Variants in FNIP1 observed in about 807,000 individuals in gnomAD.
FNIP1 encodes folliculin interacting protein 1, also known as folliculin-interacting protein 1.
Under a neutral mutation model 124.5 loss-of-function variants are expected in FNIP1, and 40 were observed. The ratio of observed to expected loss-of-function variants is 0.32; its 90% CI spans 0.25 to 0.42. The LOEUF (loss-of-function observed/expected upper bound fraction) is 0.42. Ranked by LOEUF, FNIP1 falls within the 10% of genes least tolerant of loss-of-function variation. The pLI is 1.00. For synonymous variants in FNIP1, 472 were observed against 470.6 expected, an observed-to-expected ratio of 1.00 and a Z score of -0.04; for missense variants, 1,176 against 1,403.7, an observed-to-expected ratio of 0.84 and a Z score of 2.59.
intron 13 of FNIP1, among the ~76,000 whole-genome samples, chr5:131,675,301 T>C (rs902876734): frequency 4.6e-5 from 7 of 152,210 alleles, no homozygotes; most frequent in African/African-American, 2.4e-5. Flanking sequence ...TCTCTTATAG[T>C]TCCTCCTTGA....
chr5:131,779,023 C>A (rs1244125891), intron 1 of FNIP1, among the ~76,000 whole-genome samples: 2 of 123,990 alleles, frequency 1.6e-5, no homozygotes, highest in Non-Finnish European at 1.7e-5. Flanking sequence ...GGAGGGATAG[C>A]ATTGGGAGAT....
At position 131,789,351 on chromosome 5, in the gene FNIP1, C is replaced by CT. The variant is rs1772323479; in HGVS notation, c.92+7478_92+7479insA. The stretch of plus-strand genomic sequence containing the variant: ...GGGTATGACAAATTTTTAAAAATCC[C>CT]ATTTAAAAAACAAAACTTCTGAAAC... On this transcript the variant is annotated intron_variant, in intron 1 of 17. Coordinates refer to ENST00000510461, the MANE Select transcript of FNIP1 (RefSeq NM_133372.3). Among the ~76,000 whole-genome samples, 3 of 152,088 alleles carry CT rather than the reference C, an allele frequency of 2.0e-5. 1 individual carries two copies. In the South Asian group the frequency reaches 6.2e-4, roughly 32 times the overall value.
At chr5:131,652,631 G>A (rs1456289938) in intron 15 of FNIP1, among the ~76,000 whole-genome samples, 3 of 152,126 alleles carry the variant, frequency 2.0e-5, no homozygotes, top group Non-Finnish European at 4.4e-5. Context: ...GTGAGACACT[G>A]CACCTGGCCT....
In FNIP1 at chr5:131,651,999, G is replaced by A. The variant is rs1417823935; in HGVS notation, c.3109C>T (p.His1037Tyr). ...GCTATTGGTTCATCCAAAACTGGAT[G>A]CTGGAAATAAAAGAATAATTCATCT... The part of the protein sequence containing the change: ...LMSDLSHAVQ[H>Y]PVLDEPIAEA... The change falls in exon 16 of 18, where the codon CAT (histidine) becomes TAT (tyrosine). Residue 1037 changes from histidine (H) to tyrosine (Y), a missense_variant and splice_region_variant. Around this residue, in one of 2 missense-constraint regions of FNIP1, gnomAD observed 1,109 missense variants for 1,288.5 expected, o/e 0.86. Transcript: ENST00000510461. 1 of 1,609,172 alleles carries A rather than the reference G, an allele frequency of 6.2e-7. No homozygotes were observed. The highest frequency in any genetic ancestry group is 2.2e-5 in the East Asian group (1 of 44,764).
chr5:131,723,364 T>C (rs575137656), intron 3 of FNIP1, among the ~76,000 whole-genome samples: 16 of 152,318 alleles, frequency 1.1e-4, no homozygotes, highest in African/African-American at 3.4e-4. Flanking sequence ...TAGATTTTAC[T>C]ATTATACAAA....
At chr5:131,660,441 G>A (rs1767390889) in intron 15 of FNIP1, among the ~76,000 whole-genome samples, 2 of 152,036 alleles carry the variant, frequency 1.3e-5, no homozygotes, top group South Asian at 4.2e-4. Flanking sequence ...GCTCCACCTG[G>A]ACTGACAACC....
chr5:131,779,073 CCAG>C (rs1358261708), intron 1 of FNIP1, among the ~76,000 whole-genome samples: 1 of 138,888 alleles, frequency 7.2e-6, no homozygotes, highest in African/African-American at 2.7e-5. Flanking sequence ...GTGCAGCGCA[CCAG>C]CATGGCACAT....
chr5:131,679,110 G>A lies in FNIP1; in HGVS notation c.1268C>T (p.Ser423Leu), dbSNP rs756893842. ...IGEPVWLTMM[S>L]GTPEKNHLCY... ...AAGGTGGTTCTTTTCTGGAGTCCCC[G>A]ACATCATTGTAAGCCAGACAGGTTC... The change falls in exon 12 of 18, where the codon TCG (serine) becomes TTG (leucine). Residue 423 changes from serine (S) to leucine (L), a missense_variant. Ser to Leu is a moderately radical substitution (Grantham distance 145, BLOSUM62 -2). Transcript: ENST00000510461. 1.6e-5 allele frequency: 25 copies of A among 1,606,670 alleles called. No individual in the cohort carries two copies. Among genetic ancestry groups the A allele is most frequent in the South Asian group, 3.3e-5 (3 of 90,696 alleles).
intron 11 of FNIP1, 125 bp downstream of exon 11, chr5:131,698,792 G>A (rs1768790488): frequency 1.4e-6 from 1 of 707,626 alleles, no homozygotes; most frequent in East Asian, 2.9e-5. Flanking sequence ...ATGGTCTACT[G>A]AATTACACCA....
intron 1 of FNIP1, among the ~76,000 whole-genome samples, chr5:131,782,581 A>C (rs1413032155): frequency 6.6e-6 from 1 of 150,966 alleles, no homozygotes; most frequent in African/African-American, 2.4e-5. Flanking sequence ...GAAATAAAAA[A>C]GAAAGAAAAA....
intron 1 of FNIP1, among the ~76,000 whole-genome samples, chr5:131,782,066 A>G (rs1270286769): frequency 6.6e-6 from 1 of 151,858 alleles, no homozygotes; most frequent in African/African-American, 2.4e-5. Flanking sequence ...AGGTGGGAGG[A>G]TCACTTAAGC....
chr5:131,732,761 A>G (rs977817413), intron 2 of FNIP1, among the ~76,000 whole-genome samples: 3 of 152,144 alleles, frequency 2.0e-5, no homozygotes, highest in South Asian at 2.1e-4. Context: ...GTCAGGTAGC[A>G]TGATGCCTCC....
intron 2 of FNIP1, among the ~76,000 whole-genome samples, chr5:131,731,337 A>G (rs1270475505): frequency 2.0e-5 from 3 of 152,126 alleles, no homozygotes; most frequent in African/African-American, 7.2e-5. Context: ...ATATTGCAGT[A>G]GTTTTCAAAT....
intron 1 of FNIP1, among the ~76,000 whole-genome samples, chr5:131,784,813 CTG>C: frequency 1.3e-5 from 2 of 149,952 alleles, no homozygotes; most frequent in African/African-American, 4.9e-5. Flanking sequence ...CAGAGTGAGA[CTG>C]TCTCTCAAAA....
chr5:131,730,115 T>C (rs757668891), intron 3 of FNIP1, among the ~76,000 whole-genome samples: 5 of 152,160 alleles, frequency 3.3e-5, no homozygotes, highest in Non-Finnish European at 5.9e-5. Context: ...TGGTGTTGTA[T>C]AGCACAGGAC....
intron 11 of FNIP1, among the ~76,000 whole-genome samples, chr5:131,680,080 TGTATGTGGTTACTGAACACATG>T (rs1768032504): frequency 1.3e-5 from 2 of 152,216 alleles, no homozygotes; most frequent in Admixed American, 1.3e-4. Context: ...AGCCACTAGC[TGTATGTGGTTACTGAACACATG>T]ACATGTGACC....
chr5:131,755,382 C>T (rs1771014392), intron 1 of FNIP1, among the ~76,000 whole-genome samples: 1 of 148,902 alleles, frequency 6.7e-6, no homozygotes, highest in African/African-American at 2.5e-5. Context: ...GATCACGCCA[C>T]TGCACTCCAG....
At chr5:131,682,864 T>C (rs1768137608) in intron 11 of FNIP1, among the ~76,000 whole-genome samples, 2 of 152,210 alleles carry the variant, frequency 1.3e-5, no homozygotes, top group Admixed American at 6.5e-5. Context: ...TCCCCTTATT[T>C]TTCCCAGTGC....
chr5:131,702,351 AT>A (rs958104248), intron 10 of FNIP1, among the ~76,000 whole-genome samples: 1 of 151,206 alleles, frequency 6.6e-6, no homozygotes, highest in Admixed American at 6.6e-5. Flanking sequence ...TAATTTTTAA[AT>A]TTTTTTTTGT....
Sources: gnomAD v4.1 joint callset for allele counts (sites outside exome capture counted in the v4.1 genomes callset) on GRCh38, gnomAD v4.1.1 for gene constraint, gnomAD v4.1.1 regional missense constraint, MANE v1.5 for transcripts, NCBI Gene and HGNC (gene_info 2026-07-23, HGNC 2026-07-21) for gene names.